The following DPH6 variants were observed in gnomAD, a reference collection of about 807,000 sequenced individuals.
DPH6 encodes diphthine--ammonia ligase.
A neutral mutation model predicts 38.2 loss-of-function variants in DPH6; 33 were observed. That is an observed-to-expected ratio of 0.86 (90% CI 0.65 to 1.15). The LOEUF (loss-of-function observed/expected upper bound fraction) is 1.15, where lower values mean the gene tolerates loss of function less well. Among genes scored for constraint, DPH6 ranks in the 50% most tolerant of loss-of-function variants. The pLI is 0.00. For synonymous variants in DPH6, 108 were observed against 103.0 expected (o/e 1.05, Z -0.30); for missense variants, 325 against 320.0 (o/e 1.02, Z -0.12).
chr15:35,404,902 T>C (rs2053271050), intron 6 of DPH6, among the ~76,000 whole-genome samples: 1 of 152,144 alleles, frequency 6.6e-6, no homozygotes, highest in African/African-American at 2.4e-5. Flanking sequence ...GACTGTTGTA[T>C]AAGGTGAGAG....
downstream of DPH6, chr15:35,365,881 C>A (rs1225501564): frequency 2.0e-6 from 2 of 985,130 alleles, no homozygotes; most frequent in African/African-American, 3.5e-5. Context: ...CCCATTCAAG[C>A]CCCAAGTTGT....
intron 3 of DPH6, among the ~76,000 whole-genome samples, chr15:35,234,981 G>A (rs1023563561): frequency 7.2e-5 from 11 of 152,210 alleles, no homozygotes; most frequent in African/African-American, 2.4e-4. Flanking sequence ...TTCCATTTCT[G>A]TATGCTGAAA....
intron 3 of DPH6, among the ~76,000 whole-genome samples, chr15:35,278,360 G>T (rs559728936): frequency 2.0e-5 from 3 of 152,356 alleles, no homozygotes; most frequent in African/African-American, 7.2e-5. Flanking sequence ...TGGCTGCACA[G>T]AATGCAAGGG....
At chr15:35,223,454 AG>A in intron 3 of DPH6, among the ~76,000 whole-genome samples, 1 of 152,156 alleles carries the variant, frequency 6.6e-6, no homozygotes, top group Non-Finnish European at 1.5e-5. Context: ...TGGGAGGCCA[AG>A]GCTGGTGGAT....
chr15:35,356,392 G>T (rs528332912), intron 3 of DPH6, among the ~76,000 whole-genome samples: 57 of 152,284 alleles, frequency 3.7e-4, no homozygotes, highest in Non-Finnish European at 2.9e-4. Context: ...TTCTCCTCTG[G>T]TTTTTCCCCA....
At chr15:35,359,251 G>A (rs1441369107) in intron 3 of DPH6, among the ~76,000 whole-genome samples, 1 of 152,054 alleles carries the variant, frequency 6.6e-6, no homozygotes, top group East Asian at 1.9e-4. Flanking sequence ...ACACCCCCCA[G>A]ACTGTTTCTA....
chr15:35,348,211 G>C, intron 3 of DPH6, among the ~76,000 whole-genome samples: 1 of 152,082 alleles, frequency 6.6e-6, no homozygotes, highest in East Asian at 1.9e-4. Flanking sequence ...GTCATGTCCA[G>C]TAAAACACAG....
At chr15:35,374,091 A>T (rs1041325487) in intron 7 of DPH6, among the ~76,000 whole-genome samples, 24 of 152,032 alleles carry the variant, frequency 1.6e-4, no homozygotes, top group African/African-American at 5.8e-4. Context: ...CTGCAGTATC[A>T]TTGCTATTAA....
At chr15:35,285,872 G>GTTTTTTTTTTTTTTTTT (rs67243158) in intron 3 of DPH6, among the ~76,000 whole-genome samples, 2,660 of 52,712 alleles carry the variant, frequency 0.05, 927 homozygotes, top group African/African-American at 0.15. Context: ...TTATCTTTGA[G>GTTTTTTTTTTTTTTTTT]TTTTTTTTTT....
At chr15:35,437,233 A>C (rs2053728517) in intron 5 of DPH6, among the ~76,000 whole-genome samples, 1 of 152,134 alleles carries the variant, frequency 6.6e-6, no homozygotes, top group Non-Finnish European at 1.5e-5. Flanking sequence ...TTTCTAGATG[A>C]GTAGCCATTC....
At chr15:35,520,266 A>T in intron 3 of DPH6, 1 of 948,124 alleles carries the variant, frequency 1.1e-6, no homozygotes, top group Non-Finnish European at 1.3e-6. Context: ...CAAAACTGAA[A>T]TCCTCGCCTA....
intron 3 of DPH6, among the ~76,000 whole-genome samples, chr15:35,473,815 A>C (rs12902117): frequency 6.6e-6 from 1 of 152,098 alleles, no homozygotes; most frequent in Non-Finnish European, 1.5e-5. Context: ...ATAATGGACT[A>C]CTACACAACA....
At chr15:35,272,932 A>G (rs2051832480) in intron 3 of DPH6, among the ~76,000 whole-genome samples, 2 of 151,174 alleles carry the variant, frequency 1.3e-5, no homozygotes, top group African/African-American at 2.4e-5. Context: ...ACCAAAAAGA[A>G]TGTGACACCC....
chr15:35,199,313 T>G, the DPH6 span, among the ~76,000 whole-genome samples: 1 of 152,202 alleles, frequency 6.6e-6, no homozygotes, highest in Non-Finnish European at 1.5e-5. Context: ...AACATTTCAG[T>G]TATAAAATAA....
chr15:35,231,488 T>C (rs2051517182), intron 3 of DPH6, among the ~76,000 whole-genome samples: 1 of 152,200 alleles, frequency 6.6e-6, no homozygotes, highest in Non-Finnish European at 1.5e-5. Flanking sequence ...TCTCATCTGA[T>C]TTTTGGTTCA....
At chr15:35,255,236 C>T (rs1286247737) in intron 3 of DPH6, among the ~76,000 whole-genome samples, 1 of 152,178 alleles carries the variant, frequency 6.6e-6, no homozygotes, top group Non-Finnish European at 1.5e-5. Context: ...AGCAAATAAT[C>T]ATTAACATAA....
At chr15:35,209,546 T>A in the DPH6 span, among the ~76,000 whole-genome samples, 9 of 152,250 alleles carry the variant, frequency 5.9e-5, no homozygotes, top group South Asian at 1.9e-3. Context: ...ATAAGATGAA[T>A]CTTAGCACAA....
intron 3 of DPH6, among the ~76,000 whole-genome samples, chr15:35,464,598 T>C (rs1340512750): frequency 6.6e-6 from 1 of 152,174 alleles, no homozygotes; most frequent in African/African-American, 2.4e-5. Flanking sequence ...GATATATAAA[T>C]AATTTATCTG....
At chr15:35,276,852 T>C (rs780540355) in intron 3 of DPH6, among the ~76,000 whole-genome samples, 11 of 152,232 alleles carry the variant, frequency 7.2e-5, no homozygotes, top group Non-Finnish European at 1.5e-4. Flanking sequence ...TAGTTTGAAA[T>C]CAGGTAATGT....
Sources: allele counts gnomAD v4.1 joint callset (sites outside exome capture counted in the v4.1 genomes callset), GRCh38; gene constraint gnomAD v4.1.1; transcripts MANE v1.5; gene names NCBI Gene and HGNC (gene_info 2026-07-23, HGNC 2026-07-21).